Variants in STK32A observed in about 807,000 individuals in gnomAD.
STK32A encodes serine/threonine kinase 32A, also known as serine/threonine-protein kinase 32A.
STK32A carries 41 observed loss-of-function variants against 53.2 expected under a neutral mutation model. The ratio of observed to expected loss-of-function variants is 0.77; its 90% CI spans 0.60 to 1.00. The LOEUF (loss-of-function observed/expected upper bound fraction) is 1.00. Among genes scored for constraint, STK32A ranks in the 50% least tolerant of loss-of-function variants. STK32A has a pLI of 0.00. For synonymous variants in STK32A, 166 were observed against 162.8 expected, an observed-to-expected ratio of 1.02 and a Z score of -0.15; for missense variants, 458 against 485.8, an observed-to-expected ratio of 0.94 and a Z score of 0.54.
downstream of STK32A, among the ~76,000 whole-genome samples, chr5:147,389,422 G>A (rs554633074): frequency 3.3e-5 from 5 of 152,226 alleles, no homozygotes; most frequent in African/African-American, 7.2e-5. Flanking sequence ...TTGGTCCCAC[G>A]TGCTCTTCTG....
At chr5:147,257,135 A>G (rs554973470) in intron 2 of STK32A, among the ~76,000 whole-genome samples, 1 of 152,130 alleles carries the variant, frequency 6.6e-6, no homozygotes, top group Non-Finnish European at 1.5e-5. Context: ...TCTCTTTAGT[A>G]AAATGAGTGT....
At chr5:147,316,046 C>A (rs936180825) in intron 4 of STK32A, among the ~76,000 whole-genome samples, 15 of 152,076 alleles carry the variant, frequency 9.9e-5, no homozygotes, top group Non-Finnish European at 1.8e-4. Flanking sequence ...TAGAATATAT[C>A]CTAATAACAA....
intron 11 of STK32A, among the ~76,000 whole-genome samples, chr5:147,377,425 C>G (rs1055745340): frequency 2.0e-5 from 3 of 152,098 alleles, no homozygotes; most frequent in Admixed American, 6.6e-5. Flanking sequence ...AGGACAATTT[C>G]TATCTGTTGA....
chr5:147,400,566 C>T, the STK32A span: 4 of 1,292,888 alleles, frequency 3.1e-6, no homozygotes, highest in Non-Finnish European at 4.3e-6. Context: ...GTTCCAGAGA[C>T]ATCTCAGCAA....
intron 4 of STK32A, among the ~76,000 whole-genome samples, chr5:147,322,846 T>G (rs1754384425): frequency 6.6e-6 from 1 of 152,130 alleles, no homozygotes; most frequent in Admixed American, 6.5e-5. Flanking sequence ...CTCCTTCCTG[T>G]GTGAAGCCCA....
chr5:147,262,252 C>T (rs1027218621), intron 2 of STK32A, among the ~76,000 whole-genome samples: 1 of 152,126 alleles, frequency 6.6e-6, no homozygotes, highest in African/African-American at 2.4e-5. Context: ...GTGAGCTTTA[C>T]CCTTCATATT....
intron 2 of STK32A, among the ~76,000 whole-genome samples, chr5:147,264,285 A>T (rs2151948382): frequency 6.6e-6 from 1 of 152,314 alleles, no homozygotes; most frequent in African/African-American, 2.4e-5. Context: ...GGTGATGGTG[A>T]AGGGAATCCC....
intron 11 of STK32A, chr5:147,376,054 A>T (rs544935055): frequency 3.9e-5 from 6 of 152,244 alleles, no homozygotes; most frequent in African/African-American, 1.4e-4. Context: ...GTGAGAAATG[A>T]TTGAGATATA....
chr5:147,346,040 G>C (rs1285388968), intron 6 of STK32A, among the ~76,000 whole-genome samples: 1 of 152,098 alleles, frequency 6.6e-6, no homozygotes, highest in East Asian at 1.9e-4. Flanking sequence ...TACTTCGTTT[G>C]TTCAGATTCT....
At chr5:147,246,052 C>T (rs978403233) in intron 2 of STK32A, among the ~76,000 whole-genome samples, 3 of 152,162 alleles carry the variant, frequency 2.0e-5, no homozygotes, top group African/African-American at 7.2e-5. Flanking sequence ...ATTTAATAGG[C>T]AAATGAATTT....
At chr5:147,267,878 C>T (rs1171586211) in intron 2 of STK32A, among the ~76,000 whole-genome samples, 2 of 152,188 alleles carry the variant, frequency 1.3e-5, no homozygotes, top group Non-Finnish European at 2.9e-5. Flanking sequence ...AGTTAAAATG[C>T]TGCCCATTCC....
At chr5:147,345,398 T>A (rs1187274712) in intron 6 of STK32A, among the ~76,000 whole-genome samples, 2 of 152,196 alleles carry the variant, frequency 1.3e-5, no homozygotes, top group East Asian at 3.9e-4. Context: ...GAGGCAGTCA[T>A]GGCTTTCTTT....
intron 2 of STK32A, among the ~76,000 whole-genome samples, chr5:147,266,678 A>G (rs550255821): frequency 3.0e-4 from 46 of 152,222 alleles, no homozygotes; most frequent in African/African-American, 7.9e-4. Context: ...TATTCTTGGC[A>G]CTGTTGGTCC....
intron 4 of STK32A, among the ~76,000 whole-genome samples, chr5:147,309,646 G>A (rs1322649979): frequency 6.6e-6 from 1 of 152,104 alleles, no homozygotes; most frequent in Non-Finnish European, 1.5e-5. Context: ...AATTCTTGGG[G>A]AAACTTAAAG....
At chr5:147,375,065 A>G (rs191956082) in intron 10 of STK32A, 25 bp from the exon 11 acceptor site, 15 of 1,583,070 alleles carry the variant, frequency 9.5e-6, no homozygotes, top group African/African-American at 5.5e-5. Flanking sequence ...TAATCTGAGG[A>G]TTGAGCCAAC....
At chr5:147,336,235 A>G (rs761950156) in intron 5 of STK32A, among the ~76,000 whole-genome samples, 2 of 152,124 alleles carry the variant, frequency 1.3e-5, no homozygotes, top group African/African-American at 2.4e-5. Flanking sequence ...ATCAGCATAC[A>G]CTGGTCTGGC....
intron 11 of STK32A, among the ~76,000 whole-genome samples, chr5:147,377,024 C>T (rs1368024365): frequency 6.6e-6 from 1 of 152,066 alleles, no homozygotes; most frequent in East Asian, 1.9e-4. Context: ...GCAAGGTGTT[C>T]AGTTAGGCTT....
At chr5:147,284,757 C>T (rs191426000) in intron 4 of STK32A, among the ~76,000 whole-genome samples, 42 of 150,770 alleles carry the variant, frequency 2.8e-4, no homozygotes, top group African/African-American at 9.7e-4. Flanking sequence ...AGTAGAAAGA[C>T]CTCTACAAGG....
intron 7 of STK32A, among the ~76,000 whole-genome samples, chr5:147,353,102 C>T (rs978324829): frequency 2.6e-5 from 4 of 152,150 alleles, no homozygotes; most frequent in Non-Finnish European, 4.4e-5. Flanking sequence ...AGAGATTACT[C>T]TGCAGGGTAG....
Sources: gnomAD v4.1 joint callset for allele counts (sites outside exome capture counted in the v4.1 genomes callset) on GRCh38, gnomAD v4.1.1 for gene constraint, MANE v1.5 for transcripts, NCBI Gene and HGNC (gene_info 2026-07-23, HGNC 2026-07-21) for gene names.